RAB38: variants seen among roughly 807,000 people sequenced by gnomAD.
RAB38 encodes ras-related protein Rab-38.
A neutral mutation model predicts 18.4 loss-of-function variants in RAB38; 15 were observed. The ratio of observed to expected loss-of-function variants is 0.82; its 90% confidence interval spans 0.55 to 1.26. RAB38 has a LOEUF of 1.26. RAB38 is among the 50% of genes most tolerant of loss of function. The probability of loss-of-function intolerance (pLI) is 0.00; values close to 1 mark genes in which losing one functional copy is unlikely to be tolerated. For missense variants in RAB38, 294 were observed against 267.4 expected (o/e 1.10, Z -0.69); for synonymous variants, 101 against 104.4 (o/e 0.97, Z 0.20).
At chr11:87,955,006 A>AAAAG in the RAB38 span, among the ~76,000 whole-genome samples, 2 of 152,316 alleles carry the variant, frequency 1.3e-5, no homozygotes, top group African/African-American at 4.8e-5. Flanking sequence ...AAATTTGGTG[A>AAAAG]AAAGATTGTT....
the RAB38 span, among the ~76,000 whole-genome samples, chr11:87,953,759 A>G: frequency 6.6e-6 from 1 of 152,132 alleles, no homozygotes; most frequent in South Asian, 2.1e-4. Context: ...ACTACTGTAA[A>G]TGAAAATATC....
At chr11:87,962,274 G>A in the RAB38 span, among the ~76,000 whole-genome samples, 1 of 152,180 alleles carries the variant, frequency 6.6e-6, no homozygotes, top group Non-Finnish European at 1.5e-5. Flanking sequence ...ACTAAACCGA[G>A]TCCACTTTCC....
the RAB38 span, among the ~76,000 whole-genome samples, chr11:87,891,536 G>C: frequency 6.6e-6 from 1 of 151,674 alleles, no homozygotes; most frequent in South Asian, 2.1e-4. Context: ...TGAGATTTAA[G>C]GATCATCTAA....
At chr11:88,020,151 T>C in the RAB38 span, among the ~76,000 whole-genome samples, 2 of 152,008 alleles carry the variant, frequency 1.3e-5, no homozygotes, top group Non-Finnish European at 2.9e-5. Context: ...GTATATAAAA[T>C]GAAAAGACAT....
chr11:88,017,179 G>T, the RAB38 span, among the ~76,000 whole-genome samples: 1 of 151,370 alleles, frequency 6.6e-6, no homozygotes, highest in Non-Finnish European at 1.5e-5. Flanking sequence ...AGAGAGGAAA[G>T]GTCAGTTTAC....
At chr11:88,062,408 A>G in the RAB38 span, among the ~76,000 whole-genome samples, 1 of 152,212 alleles carries the variant, frequency 6.6e-6, no homozygotes, top group African/African-American at 2.4e-5. Flanking sequence ...CAGAAATGTT[A>G]GTCAATTAAA....
chr11:87,971,807 TCTTA>T, the RAB38 span, among the ~76,000 whole-genome samples: 1 of 152,140 alleles, frequency 6.6e-6, no homozygotes, highest in African/African-American at 2.4e-5. Flanking sequence ...TGCCTCACAG[TCTTA>T]CTTTCACTCT....
At chr11:88,035,519 G>A in the RAB38 span, among the ~76,000 whole-genome samples, 1 of 152,190 alleles carries the variant, frequency 6.6e-6, no homozygotes, top group Non-Finnish European at 1.5e-5. Flanking sequence ...CCATCTGCCA[G>A]CTGAAGAGCA....
At chr11:87,838,798 A>C in the RAB38 span, among the ~76,000 whole-genome samples, 77 of 152,338 alleles carry the variant, frequency 5.1e-4, 1 homozygote, top group African/African-American at 1.8e-3. Context: ...ATCCTCTGTT[A>C]ACTTTAAAAA....
the RAB38 span, among the ~76,000 whole-genome samples, chr11:87,929,341 T>C: frequency 4.6e-5 from 7 of 152,096 alleles, no homozygotes; most frequent in East Asian, 7.8e-4. Flanking sequence ...CATGTACATA[T>C]GTTTATCTCA....
the RAB38 span, among the ~76,000 whole-genome samples, chr11:87,809,538 G>A: frequency 2.0e-5 from 3 of 152,096 alleles, no homozygotes; most frequent in Admixed American, 2.0e-4. Flanking sequence ...CAGGACTTTT[G>A]ATACTAAATC....
chr11:88,051,699 A>G, the RAB38 span, among the ~76,000 whole-genome samples: 1 of 152,260 alleles, frequency 6.6e-6, no homozygotes, highest in Non-Finnish European at 1.5e-5. Context: ...GACAAAGTCT[A>G]TAAAGCAGGC....
chr11:88,152,824 G>A (rs982566638), intron 1 of RAB38, among the ~76,000 whole-genome samples: 1 of 152,210 alleles, frequency 6.6e-6, no homozygotes. Context: ...ACACATTTAT[G>A]GAATAGCTAA....
the RAB38 span, among the ~76,000 whole-genome samples, chr11:88,046,610 C>A: frequency 6.6e-6 from 1 of 152,192 alleles, no homozygotes; most frequent in African/African-American, 2.4e-5. Flanking sequence ...CATCTGTTAC[C>A]TATCTCGGCA....
At chr11:87,878,291 T>TACCTATC in the RAB38 span, among the ~76,000 whole-genome samples, 1 of 143,408 alleles carries the variant, frequency 7.0e-6, no homozygotes, top group Non-Finnish European at 1.5e-5. Flanking sequence ...TCTATCTATC[T>TACCTATC]ATCTATCTAC....
At chr11:87,878,276 ATCTATC>A in the RAB38 span, among the ~76,000 whole-genome samples, 77 of 135,934 alleles carry the variant, frequency 5.7e-4, 4 homozygotes, top group African/African-American at 1.8e-3. Context: ...CTATCTATCT[ATCTATC>A]TATCTATCTA....
chr11:87,860,183 G>T, the RAB38 span, among the ~76,000 whole-genome samples: 2 of 151,874 alleles, frequency 1.3e-5, no homozygotes, highest in African/African-American at 4.8e-5. Flanking sequence ...GAATCATAAG[G>T]ATGTTCATCA....
the RAB38 span, among the ~76,000 whole-genome samples, chr11:88,096,222 G>C: frequency 1.3e-5 from 2 of 151,678 alleles, no homozygotes; most frequent in Admixed American, 6.6e-5. Flanking sequence ...CCCTAGCTCA[G>C]TGTCTTCAGG....
At chr11:87,840,465 G>T in the RAB38 span, among the ~76,000 whole-genome samples, 2 of 152,170 alleles carry the variant, frequency 1.3e-5, no homozygotes, top group Non-Finnish European at 2.9e-5. Context: ...ACAAAGTCCA[G>T]TGGAATGTCG....
Sources: allele counts gnomAD v4.1 joint callset (sites outside exome capture counted in the v4.1 genomes callset), GRCh38; gene constraint gnomAD v4.1.1; transcripts MANE v1.5; gene names NCBI Gene and HGNC (gene_info 2026-07-23, HGNC 2026-07-21).